Variants in RNF149 observed in about 807,000 individuals in gnomAD.
The protein encoded by RNF149 is ring finger protein 149.
A neutral mutation model predicts 39.0 loss-of-function variants in RNF149; 21 were observed. That is an observed-to-expected ratio of 0.54 (90% CI 0.38 to 0.77). The LOEUF is 0.77. Ranked by LOEUF, RNF149 falls within the 30% of genes least tolerant of loss-of-function variation. RNF149 has a pLI of 0.00. For missense variants in RNF149, 493 were observed against 534.9 expected (o/e 0.92, Z 0.77); for synonymous variants, 209 against 213.6 (o/e 0.98, Z 0.19).
intron 4 of RNF149, among the ~76,000 whole-genome samples, chr2:101,287,905 T>A (rs143540369): frequency 7.2e-5 from 11 of 152,360 alleles, no homozygotes; most frequent in African/African-American, 2.6e-4. Context: ...TGAAGTATAA[T>A]TAAAATTCAT....
chr2:101,273,231 A>C (rs1457101428), downstream of RNF149: 1 of 824,346 alleles, frequency 1.2e-6, no homozygotes, highest in Non-Finnish European at 1.8e-6. Flanking sequence ...ACAGGACAGC[A>C]GGCAGGGGGC....
chr2:101,288,963 A>C lies in RNF149; in HGVS notation c.863+10T>G. The C allele has an allele frequency of 2.1e-6, 3 of 1,396,612 alleles. No individual in the cohort carries two copies. The highest frequency in any genetic ancestry group is 3.0e-6 in the Non-Finnish European group (3 of 990,302). The allele number at this position is 1,396,612 out of a possible 1,614,324, so 86.5% of individuals were successfully genotyped here. Reference sequence around the variant, plus strand: ...AATTTTTAACATCTCAATATGTAAAAAGAACATACTTGCATGGCAGAATTC... The same window carrying C: ...AATTTTTAACATCTCAATATGTAAACAGAACATACTTGCATGGCAGAATTC... On this transcript the variant is annotated intron_variant, in intron 4 of 6. Coordinates refer to ENST00000295317, the MANE Select transcript of RNF149 (RefSeq NM_173647.4).
intron 1 of RNF149, chr2:101,307,813 A>G (rs1683733279): frequency 1.0e-6 from 1 of 985,426 alleles, no homozygotes; most frequent in Non-Finnish European, 1.2e-6. Context: ...AAAGAGGCCC[A>G]TGATTAGGAA....
At chr2:101,305,205 A>G (rs1384870809) in intron 1 of RNF149, among the ~76,000 whole-genome samples, 1 of 152,174 alleles carries the variant, frequency 6.6e-6, no homozygotes, top group Non-Finnish European at 1.5e-5. Flanking sequence ...TACACAGAAC[A>G]GTGAGAACCA....
chr2:101,284,917 A>G (rs1395697089), intron 5 of RNF149, among the ~76,000 whole-genome samples: 5 of 152,176 alleles, frequency 3.3e-5, no homozygotes, highest in African/African-American at 7.2e-5. Flanking sequence ...TTATTGAGAC[A>G]AGGTTTCACT....
chr2:101,304,702 ATTT>A (rs1170750783), intron 1 of RNF149, among the ~76,000 whole-genome samples: 1 of 151,824 alleles, frequency 6.6e-6, no homozygotes, highest in African/African-American at 2.4e-5. Context: ...TTCCAGTCAC[ATTT>A]TTTTTAGAGC....
intron 3 of RNF149, among the ~76,000 whole-genome samples, chr2:101,293,397 C>A (rs1683094993): frequency 6.6e-6 from 1 of 152,102 alleles, no homozygotes; most frequent in African/African-American, 2.4e-5. Context: ...AGAATAAATC[C>A]TATGCATTAG....
At chr2:101,271,327 TTGAAAA>T (rs1403569300), downstream of RNF149, 1 of 152,134 alleles carries the variant, frequency 6.6e-6, no homozygotes, top group Non-Finnish European at 1.5e-5. Context: ...CAACAAAAGC[TTGAAAA>T]TAAAAGTTTA....
At chr2:101,273,392 A>T (rs1682211538), downstream of RNF149, 2 of 470,186 alleles carry the variant, frequency 4.3e-6, no homozygotes, top group Non-Finnish European at 8.8e-6. Context: ...TATAACAATG[A>T]AACCTGATTT....
chr2:101,293,581 C>T (rs1235566110), intron 3 of RNF149, among the ~76,000 whole-genome samples: 1 of 152,148 alleles, frequency 6.6e-6, no homozygotes, highest in Non-Finnish European at 1.5e-5. Flanking sequence ...ACATCTTTTC[C>T]CCCCTCCAGA....
intron 1 of RNF149, among the ~76,000 whole-genome samples, chr2:101,304,240 T>C (rs1683573970): frequency 6.6e-6 from 1 of 151,896 alleles, no homozygotes; most frequent in Non-Finnish European, 1.5e-5. Flanking sequence ...TTACAAAAAA[T>C]ACAAAAATTA....
At chr2:101,281,095 T>C (rs1414843556) in intron 6 of RNF149, among the ~76,000 whole-genome samples, 2 of 152,166 alleles carry the variant, frequency 1.3e-5, no homozygotes, top group African/African-American at 2.4e-5. Flanking sequence ...CACTACATTT[T>C]ACCTATCAGA....
Position 101,308,508 on chromosome 2 carries a change from C to T in RNF149, c.81G>A (p.Val27=). 1 of 1,609,962 alleles carries T rather than the reference C, an allele frequency of 6.2e-7. No homozygotes were observed. Among genetic ancestry groups the T allele is most frequent in the Non-Finnish European group, 8.5e-7 (1 of 1,178,994 alleles). Residue 27 remains valine (V), a synonymous_variant, in exon 1 of 7, where the codon GTG becomes GTA. Coordinates refer to ENST00000295317, the MANE Select transcript of RNF149 (RefSeq NM_173647.4). ...ALALLALALC[V]PGARGRALEW... ...CGAGAGCCCGGCCCCGGGCCCCGGG[C>T]ACGCACAGGGCCAGGGCGAGCAACG...
At chr2:101,299,285 A>C (rs978280075) in intron 1 of RNF149, among the ~76,000 whole-genome samples, 2 of 152,186 alleles carry the variant, frequency 1.3e-5, no homozygotes, top group African/African-American at 2.4e-5. Flanking sequence ...GTGGATCTCA[A>C]GCTTTGGGAT....
At chr2:101,281,090 C>T (rs930894272) in intron 6 of RNF149, among the ~76,000 whole-genome samples, 4 of 152,146 alleles carry the variant, frequency 2.6e-5, no homozygotes, top group South Asian at 2.1e-4. Context: ...CAGTTCACTA[C>T]ATTTTACCTA....
chr2:101,305,739 G>A (rs1355045714), intron 1 of RNF149, among the ~76,000 whole-genome samples: 1 of 152,184 alleles, frequency 6.6e-6, no homozygotes, highest in Non-Finnish European at 1.5e-5. Flanking sequence ...AGGAGGGGGA[G>A]AGGGAGAGAG....
downstream of RNF149, chr2:101,272,986 C>T (rs1176706347): frequency 7.4e-7 from 1 of 1,352,376 alleles, no homozygotes; most frequent in Non-Finnish European, 9.8e-7. Flanking sequence ...ATCGTGTGCC[C>T]ATGGAGAGCA....
intron 5 of RNF149, among the ~76,000 whole-genome samples, 162 bp from the exon 6 acceptor site, chr2:101,282,219 A>G (rs776924466): frequency 1.3e-5 from 2 of 151,750 alleles, no homozygotes; most frequent in Non-Finnish European, 2.9e-5. Flanking sequence ...TCACAAGAAA[A>G]TGAATTCCTT....
At chr2:101,303,757 A>G (rs1683548627) in intron 1 of RNF149, among the ~76,000 whole-genome samples, 1 of 150,154 alleles carries the variant, frequency 6.7e-6, no homozygotes, top group Non-Finnish European at 1.5e-5. Flanking sequence ...TCCCCTGGAG[A>G]GTTCAGGGAT....
Sources: gnomAD v4.1 joint callset for allele counts (sites outside exome capture counted in the v4.1 genomes callset) on GRCh38, gnomAD v4.1.1 for gene constraint, MANE v1.5 for transcripts, NCBI Gene and HGNC (gene_info 2026-07-23, HGNC 2026-07-21) for gene names.